The following NEDD9 variants were observed in gnomAD, a reference collection of about 807,000 sequenced individuals.
The protein encoded by NEDD9 is neural precursor cell expressed, developmentally down-regulated 9, also known as enhancer of filamentation 1.
In NEDD9, 26 loss-of-function variants were observed where a neutral mutation model predicts 76.6. The ratio of observed to expected loss-of-function variants is 0.34; its 90% CI spans 0.25 to 0.47. NEDD9 has a LOEUF of 0.47. NEDD9 is among the 20% of genes least tolerant of loss of function. The pLI is 1.00. For synonymous variants in NEDD9, 392 were observed against 414.2 expected (o/e 0.95, Z 0.65); for missense variants, 937 against 1,058.5 (o/e 0.89, Z 1.59).
intron 1 of NEDD9, among the ~76,000 whole-genome samples, chr6:11,371,966 A>C (rs1762884331): frequency 6.6e-6 from 1 of 152,200 alleles, no homozygotes; most frequent in African/African-American, 2.4e-5. Flanking sequence ...TCAAGCATTT[A>C]TCCTCTGTGT....
At chr6:11,286,725 TATAAG>T (rs1284882250) in intron 3 of NEDD9, among the ~76,000 whole-genome samples, 4 of 152,222 alleles carry the variant, frequency 2.6e-5, no homozygotes, top group African/African-American at 4.8e-5. Flanking sequence ...AAAAAGGGTA[TATAAG>T]ATATGTATCA....
intron 3 of NEDD9, among the ~76,000 whole-genome samples, chr6:11,274,662 C>G (rs746535474): frequency 6.6e-6 from 1 of 152,120 alleles, no homozygotes; most frequent in Non-Finnish European, 1.5e-5. Context: ...TAATATATGA[C>G]CTCAGACCTG....
chr6:11,274,018 T>C (rs992387912), intron 3 of NEDD9, among the ~76,000 whole-genome samples: 7 of 152,336 alleles, frequency 4.6e-5, no homozygotes, highest in African/African-American at 1.7e-4. Context: ...ATGAACATGC[T>C]ACGAGATACT....
At chr6:11,355,592 T>G (rs1762550347) in intron 1 of NEDD9, among the ~76,000 whole-genome samples, 1 of 152,232 alleles carries the variant, frequency 6.6e-6, no homozygotes, top group Non-Finnish European at 1.5e-5. Flanking sequence ...GTCACATGTT[T>G]TCAGGTCATT....
At chr6:11,379,965 G>T (rs944314927) in intron 1 of NEDD9, among the ~76,000 whole-genome samples, 3 of 152,226 alleles carry the variant, frequency 2.0e-5, no homozygotes, top group African/African-American at 7.2e-5. Flanking sequence ...AGATAAGCAG[G>T]ACAAAGTGAA....
intron 3 of NEDD9, among the ~76,000 whole-genome samples, chr6:11,265,869 C>T (rs1282799572): frequency 2.0e-5 from 3 of 152,056 alleles, no homozygotes; most frequent in Non-Finnish European, 4.4e-5. Flanking sequence ...AGAATAAAAT[C>T]ATGTCTTTTG....
intron 3 of NEDD9, among the ~76,000 whole-genome samples, chr6:11,276,323 T>A (rs1183466717): frequency 6.6e-6 from 1 of 152,338 alleles, no homozygotes; most frequent in South Asian, 2.1e-4. Flanking sequence ...TAGCCTGCAT[T>A]ATTGGCTCTG....
chr6:11,221,966 C>A (rs1759158268), intron 1 of NEDD9, among the ~76,000 whole-genome samples: 1 of 152,130 alleles, frequency 6.6e-6, no homozygotes, highest in Admixed American at 6.5e-5. Context: ...CCTCTAACAT[C>A]CAGGTACTCA....
At chr6:11,201,572 G>C (rs1368043211) in intron 2 of NEDD9, among the ~76,000 whole-genome samples, 1 of 152,214 alleles carries the variant, frequency 6.6e-6, no homozygotes, top group Admixed American at 6.5e-5. Context: ...GGGAGACAGA[G>C]AGATGGGATG....
chr6:11,330,712 A>G (rs1219862115), intron 2 of NEDD9, among the ~76,000 whole-genome samples: 1 of 152,168 alleles, frequency 6.6e-6, no homozygotes, highest in Non-Finnish European at 1.5e-5. Context: ...CCAAGCACTG[A>G]AATATTTTGG....
intron 6 of NEDD9, among the ~76,000 whole-genome samples, chr6:11,187,246 T>C (rs1399181186): frequency 6.6e-6 from 1 of 152,216 alleles, no homozygotes; most frequent in East Asian, 1.9e-4. Context: ...AAATATAGCA[T>C]GCCATTTCAT....
At chr6:11,339,749 G>A (rs945439696) in intron 1 of NEDD9, among the ~76,000 whole-genome samples, 6 of 152,314 alleles carry the variant, frequency 3.9e-5, no homozygotes, top group Middle Eastern at 3.4e-3. Flanking sequence ...CTGCTGCACT[G>A]AGATTTCAGG....
At chr6:11,287,395 G>A (rs1028025172) in intron 3 of NEDD9, among the ~76,000 whole-genome samples, 2 of 152,098 alleles carry the variant, frequency 1.3e-5, no homozygotes, top group African/African-American at 4.8e-5. Flanking sequence ...GTCACTGTAT[G>A]CCAGTCTGGG....
chr6:11,308,361 CTTTTTTTT>C (rs933892327), intron 2 of NEDD9, among the ~76,000 whole-genome samples: 3 of 87,862 alleles, frequency 3.4e-5, no homozygotes, highest in East Asian at 3.5e-4. Context: ...GATGGGACAT[CTTTTTTTT>C]TTTTTTTTTT....
Position 11,232,381 on chromosome 6 carries a change from G to C in NEDD9, c.12+123C>G, listed in dbSNP as rs1258324029. ...CTTGCATGTCAACCTCAGTGACCGA[G>C]ACTCATCTTAGAACTCTCCGGGACA... On this transcript the variant is annotated intron_variant, in intron 1 of 6. Transcript: ENST00000379446. The C allele has an allele frequency of 4.9e-6, 6 of 1,229,722 alleles. No individual in the cohort carries two copies. The Admixed American group carries it at 5.5e-5, about 11-fold the overall frequency. The allele number at this position is 1,229,722 out of a possible 1,614,324, so 76.2% of individuals were successfully genotyped here. A position where few individuals can be genotyped will look rare whatever the true frequency, so the allele number is the denominator to read the frequency against.
intron 1 of NEDD9, among the ~76,000 whole-genome samples, chr6:11,347,502 C>T (rs940602286): frequency 1.3e-5 from 2 of 152,086 alleles, no homozygotes; most frequent in African/African-American, 4.8e-5. Flanking sequence ...ACAAAAATAA[C>T]CACTTCAGGC....
At chr6:11,206,344 G>C (rs894761149) in intron 2 of NEDD9, among the ~76,000 whole-genome samples, 2 of 152,136 alleles carry the variant, frequency 1.3e-5, no homozygotes, top group African/African-American at 2.4e-5. Flanking sequence ...GCTTGAACCT[G>C]GGAGGCGGAG....
intron 2 of NEDD9, among the ~76,000 whole-genome samples, chr6:11,202,971 G>A (rs3798737): frequency 0.18 from 27,774 of 152,124 alleles, 2,785 homozygotes; most frequent in Non-Finnish European, 0.21. Flanking sequence ...TTGACACAGC[G>A]TTGGGCAGCA....
At chr6:11,309,656 AT>A (rs1035992303) in intron 2 of NEDD9, among the ~76,000 whole-genome samples, 6 of 151,954 alleles carry the variant, frequency 3.9e-5, no homozygotes, top group African/African-American at 1.5e-4. Context: ...AATGTTTAGT[AT>A]TTTTTTTAAA....
Sources: gnomAD v4.1 joint callset for allele counts (sites outside exome capture counted in the v4.1 genomes callset) on GRCh38, gnomAD v4.1.1 for gene constraint, MANE v1.5 for transcripts, NCBI Gene and HGNC (gene_info 2026-07-23, HGNC 2026-07-21) for gene names.